SUMF1: variants seen among roughly 807,000 people sequenced by gnomAD.
The protein encoded by SUMF1 is sulfatase modifying factor 1, also known as formylglycine-generating enzyme.
In SUMF1, 48 loss-of-function variants were observed where a neutral mutation model predicts 47.6. The ratio of observed to expected loss-of-function variants is 1.01; its 90% CI spans 0.80 to 1.28. The LOEUF is 1.28. SUMF1 is among the 50% of genes most tolerant of loss of function. SUMF1 has a pLI of 0.00. For missense variants in SUMF1, 571 were observed against 485.4 expected, an observed-to-expected ratio of 1.18 and a Z score of -1.66; for synonymous variants, 230 against 192.1, an observed-to-expected ratio of 1.20 and a Z score of -1.63.
At chr3:4,306,281 T>C (rs1460842087) in intron 8 of SUMF1, among the ~76,000 whole-genome samples, 1 of 152,250 alleles carries the variant, frequency 6.6e-6, no homozygotes, top group Admixed American at 6.5e-5. Context: ...AAGCGTTAAA[T>C]TATTTAAAAA....
intron 8 of SUMF1, among the ~76,000 whole-genome samples, chr3:4,256,690 A>G (rs934399480): frequency 2.6e-5 from 4 of 152,160 alleles, no homozygotes; most frequent in African/African-American, 7.2e-5. Flanking sequence ...CAGAGGTACA[A>G]GGAGGAACTG....
intron 7 of SUMF1, among the ~76,000 whole-genome samples, chr3:4,379,334 G>C (rs1230423333): frequency 6.6e-6 from 1 of 152,192 alleles, no homozygotes; most frequent in Non-Finnish European, 1.5e-5. Flanking sequence ...CCAATGACTG[G>C]TGTCCTTATA....
At chr3:4,397,788 C>CA (rs1479813431) in intron 7 of SUMF1, among the ~76,000 whole-genome samples, 5 of 151,860 alleles carry the variant, frequency 3.3e-5, no homozygotes, top group Non-Finnish European at 7.4e-5. Flanking sequence ...TAAAAAGGTC[C>CA]AAAAAAATGT....
At chr3:4,442,638 G>GAAAAAAAAAAAAAAAAAAAA (rs61296884) in intron 3 of SUMF1, among the ~76,000 whole-genome samples, 4 of 61,280 alleles carry the variant, frequency 6.5e-5, no homozygotes, top group Non-Finnish European at 1.2e-4. Context: ...AGAGAAAAAG[G>GAAAAAAAAAAAAAAAAAAAA]AAAAAAAAAA....
At chr3:4,047,342 C>G (rs980690934) in intron 9 of SUMF1, among the ~76,000 whole-genome samples, 3 of 152,120 alleles carry the variant, frequency 2.0e-5, no homozygotes, top group African/African-American at 7.2e-5. Context: ...TGCTATATCC[C>G]CAACAGTATA....
At position 4,204,231 on chromosome 3, in the gene SUMF1, G is replaced by C. The variant is rs924074185; in HGVS notation, c.1015-135486C>G. ...GGGAAAGTATCTATTTCTCCTTCAT[G>C]TTTGAAGGATATTCAAATACATACA... On this transcript the variant is annotated intron_variant and NMD_transcript_variant, in intron 8 of 12. Transcript: ENST00000448413. Among the ~76,000 whole-genome samples the C allele has an allele frequency of 3.3e-5, 5 of 151,976 alleles. No homozygotes were observed. The East Asian group carries it at 9.7e-4, about 29-fold the overall frequency.
intron 8 of SUMF1, among the ~76,000 whole-genome samples, chr3:4,071,319 G>A (rs1695519369): frequency 6.6e-6 from 1 of 152,160 alleles, no homozygotes; most frequent in Admixed American, 6.5e-5. Flanking sequence ...GCAGCCCACA[G>A]AGGGCGAGCC....
chr3:4,139,019 C>A (rs866099870), intron 8 of SUMF1, among the ~76,000 whole-genome samples: 1 of 151,976 alleles, frequency 6.6e-6, no homozygotes, highest in Non-Finnish European at 1.5e-5. Context: ...ATCAACCATG[C>A]GGAAAGTATA....
intron 8 of SUMF1, among the ~76,000 whole-genome samples, chr3:4,106,784 C>T (rs1373196536): frequency 6.6e-6 from 1 of 152,026 alleles, no homozygotes; most frequent in African/African-American, 2.4e-5. Flanking sequence ...CTGAAGATGT[C>T]AAACTTGCAT....
At chr3:4,035,892 A>G (rs1371654503) in intron 9 of SUMF1, among the ~76,000 whole-genome samples, 1 of 152,148 alleles carries the variant, frequency 6.6e-6, no homozygotes, top group African/African-American at 2.4e-5. Flanking sequence ...TGTTAGAGAC[A>G]CTGCAGTTTA....
chr3:4,170,536 T>G (rs1043356858), intron 8 of SUMF1, among the ~76,000 whole-genome samples: 19 of 152,162 alleles, frequency 1.2e-4, no homozygotes, highest in Admixed American at 7.2e-4. Flanking sequence ...CATTTGATTT[T>G]GAAAAATGAA....
At chr3:4,290,538 A>C (rs1697719238) in intron 8 of SUMF1, among the ~76,000 whole-genome samples, 1 of 152,172 alleles carries the variant, frequency 6.6e-6, no homozygotes, top group Non-Finnish European at 1.5e-5. Context: ...GGTAACATGG[A>C]ACATCAGCTG....
intron 8 of SUMF1, among the ~76,000 whole-genome samples, chr3:4,309,319 T>C (rs970818967): frequency 2.6e-5 from 4 of 152,184 alleles, no homozygotes; most frequent in Non-Finnish European, 4.4e-5. Flanking sequence ...TGACCTGAAC[T>C]AGTTTTTCAG....
chr3:4,345,064 G>A (rs554886147), intron 8 of SUMF1, among the ~76,000 whole-genome samples: 5 of 152,282 alleles, frequency 3.3e-5, no homozygotes, highest in African/African-American at 1.2e-4. Context: ...ATTGATTGGA[G>A]TACCAGAAGG....
intron 8 of SUMF1, among the ~76,000 whole-genome samples, chr3:4,365,087 G>C (rs1362047579): frequency 6.6e-6 from 1 of 150,526 alleles, no homozygotes. Context: ...GAGACAGTTT[G>C]TTATAATTTC....
intron 8 of SUMF1, among the ~76,000 whole-genome samples, chr3:4,340,084 C>A (rs1049098279): frequency 4.0e-5 from 6 of 149,354 alleles, no homozygotes; most frequent in Admixed American, 1.3e-4. Context: ...TCTCAAAACA[C>A]ACACACACAG....
At chr3:4,265,296 G>A (rs1165048628) in intron 8 of SUMF1, among the ~76,000 whole-genome samples, 2 of 152,036 alleles carry the variant, frequency 1.3e-5, no homozygotes, top group Admixed American at 6.6e-5. Context: ...TAAAGATAAT[G>A]TAGCCAAACC....
chr3:4,143,573 C>T lies in SUMF1; in HGVS notation c.1015-74828G>A, dbSNP rs1046801951. Among the ~76,000 whole-genome samples the T allele has an allele frequency of 3.3e-4, 50 of 152,128 alleles. 1 individual carries two copies. The highest frequency in any genetic ancestry group is 1.1e-3 in the African/African-American group (46 of 41,472). ...TATTTTGACATAAAACATAATCAAA[C>T]GATATTCATGAGCCCTCTCTGTGAA... On this transcript the variant is annotated intron_variant and NMD_transcript_variant, in intron 8 of 12. Coordinates refer to the SUMF1 transcript ENST00000448413.
chr3:4,388,906 A>G (rs961658789), intron 7 of SUMF1, among the ~76,000 whole-genome samples: 2 of 152,154 alleles, frequency 1.3e-5, no homozygotes, highest in Non-Finnish European at 2.9e-5. Flanking sequence ...CTTGTGTATA[A>G]TATAATCATA....
Sources: allele counts gnomAD v4.1 joint callset (sites outside exome capture counted in the v4.1 genomes callset), GRCh38; gene constraint gnomAD v4.1.1; transcripts MANE v1.5; gene names NCBI Gene and HGNC (gene_info 2026-07-23, HGNC 2026-07-21).